MED15: variants seen among roughly 807,000 people sequenced by gnomAD.
MED15 encodes mediator complex subunit 15.
MED15 carries 41 observed loss-of-function variants against 118.7 expected under a neutral mutation model. The ratio of observed to expected loss-of-function variants is 0.35; its 90% CI spans 0.27 to 0.45. The LOEUF (loss-of-function observed/expected upper bound fraction) is 0.45. Among genes scored for constraint, MED15 ranks in the 20% least tolerant of loss-of-function variants. MED15 has a pLI of 1.00. For synonymous variants in MED15, 436 were observed against 413.9 expected (o/e 1.05, Z -0.65); for missense variants, 740 against 1,025.5 (o/e 0.72, Z 3.80).
intron 2 of MED15, among the ~76,000 whole-genome samples, chr22:20,541,749 A>G (rs1178828858): frequency 1.3e-5 from 2 of 151,648 alleles, no homozygotes; most frequent in Non-Finnish European, 2.9e-5. Context: ...TCCCAGGTTC[A>G]AACAATTACC....
chr22:20,584,991 C>T lies in MED15; in HGVS notation c.1940C>T (p.Thr647Ile), dbSNP rs751759298. ...TACCGCACATTCGTTCCAGCCATGACCGCCATTCACGGCCCACCCATCACG... is the reference window on the plus strand; with the variant it reads ...TACCGCACATTCGTTCCAGCCATGATCGCCATTCACGGCCCACCCATCACG... ...SLYRTFVPAM[T>I]AIHGPPITAP... Residue 647 changes from threonine (T) to isoleucine (I), a missense_variant, in exon 15 of 18, where the codon ACC (threonine) becomes ATC (isoleucine). Thr to Ile is a moderately conservative substitution (Grantham distance 89). Transcript: ENST00000263205. 1 of 1,614,080 alleles carries T rather than the reference C, an allele frequency of 6.2e-7. No homozygotes were observed. Among genetic ancestry groups the T allele is most frequent in the South Asian group, 1.1e-5 (1 of 91,082 alleles).
At chr22:20,568,028 A>G (rs1388416239) in intron 7 of MED15, among the ~76,000 whole-genome samples, 2 of 152,124 alleles carry the variant, frequency 1.3e-5, no homozygotes, top group Non-Finnish European at 2.9e-5. Flanking sequence ...TTTTGTAGAT[A>G]TGGGGTTTGG....
At chr22:20,508,857 G>C (rs185212203) in intron 1 of MED15, among the ~76,000 whole-genome samples, 1 of 152,284 alleles carries the variant, frequency 6.6e-6, no homozygotes, top group Admixed American at 6.5e-5. Flanking sequence ...GCTTATTGGC[G>C]TGTTGTGCTC....
At position 20,584,900 on chromosome 22, in the gene MED15, C is replaced by A; in HGVS notation, c.1849C>A (p.Leu617Ile). The change falls in exon 15 of 18, where the codon CTA becomes ATA. Residue 617 changes from leucine to isoleucine, a missense_variant. Transcript: ENST00000263205. ...PPVPPTKQQY[L>I]CQPLLDAVLA... ...GGTGCCACCGACCAAACAGCAGTAC[C>A]TATGCCAGCCGCTCCTGGATGCCGT... is the stretch of plus-strand genomic sequence containing the variant. 1 of 1,613,814 alleles carries A rather than the reference C, an allele frequency of 6.2e-7. No individual in the cohort carries two copies. The highest frequency in any genetic ancestry group is 2.2e-5 in the East Asian group (1 of 44,880).
intron 2 of MED15, among the ~76,000 whole-genome samples, chr22:20,547,467 G>T (rs983885578): frequency 6.6e-6 from 1 of 152,110 alleles, no homozygotes; most frequent in South Asian, 2.1e-4. Context: ...ACTTTTGGAG[G>T]TTGGGGACTG....
intron 2 of MED15, chr22:20,550,984 G>A (rs988067266): frequency 2.7e-6 from 1 of 364,780 alleles, no homozygotes; most frequent in Non-Finnish European, 5.5e-6. Context: ...TCAGTGAAAA[G>A]GCAGCAACAG....
chr22:20,561,171 G>A lies in MED15; in HGVS notation c.452-3279G>A, dbSNP rs149669416. On this transcript the variant is annotated intron_variant, in intron 5 of 17. Transcript: ENST00000263205. ...AAGGCAGAAATCCAGATAATACAAA[G>A]TTCAATCCAATCATCCAACAAAAAT... is the stretch of plus-strand genomic sequence containing the variant. 6.8e-3 allele frequency among the ~76,000 whole-genome samples: 1,035 copies of A among 152,140 alleles called. 4 individuals carry two copies. The highest frequency in any genetic ancestry group is 0.037 in the Middle Eastern group (11 of 294).
intron 7 of MED15, among the ~76,000 whole-genome samples, chr22:20,567,872 T>G (rs964014880): frequency 6.6e-6 from 1 of 152,072 alleles, no homozygotes; most frequent in Non-Finnish European, 1.5e-5. Flanking sequence ...CCCCACTTTT[T>G]TCTTTTGAAG....
chr22:20,563,075 G>C (rs938690631), intron 5 of MED15, among the ~76,000 whole-genome samples: 1 of 152,068 alleles, frequency 6.6e-6, no homozygotes, highest in Non-Finnish European at 1.5e-5. Context: ...TTGCTAAAAT[G>C]AATAGTGACA....
intron 1 of MED15, among the ~76,000 whole-genome samples, chr22:20,522,421 G>A (rs1325701807): frequency 2.0e-5 from 3 of 152,110 alleles, no homozygotes; most frequent in Admixed American, 1.3e-4. Context: ...TTTACTGGGT[G>A]CAGTGACAGT....
Position 20,577,876 on chromosome 22 carries a change from T to A in MED15, c.1272+2644T>A, listed in dbSNP as rs112834614. Among the ~76,000 whole-genome samples, 421 of 152,278 alleles carry A rather than the reference T, an allele frequency of 2.8e-3. 1 individual carries two copies. The highest frequency in any genetic ancestry group is 8.7e-3 in the African/African-American group (363 of 41,562). ...GGAAAGAGGAAGGAAGGCACAGAACTGGGGCAAGGTTCTGGTTTTGTTCTG... is the reference window on the plus strand; with the variant it reads ...GGAAAGAGGAAGGAAGGCACAGAACAGGGGCAAGGTTCTGGTTTTGTTCTG... On this transcript the variant is annotated intron_variant, in intron 9 of 17. Coordinates refer to ENST00000263205, the MANE Select transcript of MED15 (RefSeq NM_001003891.3).
rs779612052 is a variant in MED15, at chr22:20,551,106, C to G, written c.157-330C>G. The G allele has an allele frequency of 1.8e-5, 10 of 544,816 alleles. 1 individual carries two copies. Among genetic ancestry groups the G allele is most frequent in the South Asian group, 1.5e-4 (10 of 65,222 alleles). 33.7% of individuals were successfully genotyped at this position (544,816 alleles called of 1,614,324 possible). A position where few individuals can be genotyped will look rare whatever the true frequency, so the allele number is the denominator to read the frequency against. The stretch of plus-strand genomic sequence containing the variant: ...CCTCAGGCCAGCGCCTCATCACCCC[C>G]AACCTGCCTGTCCCCTTTGTGATGA... On this transcript the variant is annotated intron_variant, in intron 2 of 17. Coordinates refer to ENST00000263205, the MANE Select transcript of MED15 (RefSeq NM_001003891.3).
intron 1 of MED15, among the ~76,000 whole-genome samples, chr22:20,531,069 A>G (rs1457158823): frequency 6.6e-6 from 1 of 152,110 alleles, no homozygotes; most frequent in African/African-American, 2.4e-5. Context: ...CCTTTGTGCA[A>G]AGGAAGGATA....
intron 7 of MED15, among the ~76,000 whole-genome samples, chr22:20,567,857 C>T (rs1462756845): frequency 6.6e-6 from 1 of 152,082 alleles, no homozygotes; most frequent in Non-Finnish European, 1.5e-5. Flanking sequence ...AAGTTTGCCC[C>T]CCACCCCCAC....
At chr22:20,581,823 A>G (rs1339161111) in intron 9 of MED15, 1 of 152,278 alleles carries the variant, frequency 6.6e-6, no homozygotes, top group African/African-American at 2.4e-5. Context: ...CACTGGGGTG[A>G]TTGATCTTAT....
chr22:20,533,138 T>C (rs1402040712), intron 1 of MED15, among the ~76,000 whole-genome samples: 1 of 152,146 alleles, frequency 6.6e-6, no homozygotes, highest in Non-Finnish European at 1.5e-5. Context: ...AGTGCTGTTC[T>C]GAAGGTGGGC....
intron 1 of MED15, among the ~76,000 whole-genome samples, chr22:20,534,488 C>G (rs115678536): frequency 0.028 from 4,294 of 152,078 alleles, 212 homozygotes; most frequent in African/African-American, 0.097. Context: ...TGCCCCACTG[C>G]GCTGCACCTG....
intron 1 of MED15, among the ~76,000 whole-genome samples, chr22:20,514,056 G>A (rs867777600): frequency 6.6e-6 from 1 of 152,040 alleles, no homozygotes; most frequent in African/African-American, 2.4e-5. Context: ...GTAAGAGACA[G>A]GGTTTCACCA....
At chr22:20,582,399 TG>T in intron 9 of MED15, 5 of 732,706 alleles carry the variant, frequency 6.8e-6, no homozygotes, top group Non-Finnish European at 8.7e-6. Flanking sequence ...CTGCCCTGCC[TG>T]GGCCCCCCCC....
Sources: gnomAD v4.1 joint callset for allele counts (sites outside exome capture counted in the v4.1 genomes callset) on GRCh38, gnomAD v4.1.1 for gene constraint, MANE v1.5 for transcripts, NCBI Gene and HGNC (gene_info 2026-07-23, HGNC 2026-07-21) for gene names.